Variants in ASTN2 observed in about 807,000 individuals in gnomAD.
The protein encoded by ASTN2 is astrotactin-2.
ASTN2 carries 54 observed loss-of-function variants against 139.8 expected under a neutral mutation model. The observed-to-expected ratio is 0.39, with a 90% confidence interval of 0.31 to 0.48. The LOEUF is 0.48. Ranked by LOEUF, ASTN2 falls within the 20% of genes least tolerant of loss-of-function variation. ASTN2 has a pLI of 0.95. For missense variants in ASTN2, 1,565 were observed against 1,725.1 expected (o/e 0.91, Z 1.64); for synonymous variants, 756 against 719.5 (o/e 1.05, Z -0.81).
At chr9:116,810,778 T>C (rs1831143628) in intron 12 of ASTN2, among the ~76,000 whole-genome samples, 1 of 152,196 alleles carries the variant, frequency 6.6e-6, no homozygotes, top group East Asian at 1.9e-4. Flanking sequence ...ATGTTATCCA[T>C]TACTTGATAA....
At chr9:117,251,701 T>C (rs1160817855) in intron 2 of ASTN2, among the ~76,000 whole-genome samples, 1 of 152,152 alleles carries the variant, frequency 6.6e-6, no homozygotes, top group East Asian at 1.9e-4. Context: ...AATCTGGCTT[T>C]AGAAAGTTCA....
At chr9:117,177,256 T>C (rs1830940018) in intron 3 of ASTN2, among the ~76,000 whole-genome samples, 1 of 152,212 alleles carries the variant, frequency 6.6e-6, no homozygotes. Flanking sequence ...TTATGCTCTG[T>C]AACTAACTTA....
At chr9:117,311,283 C>T (rs1266344133) in intron 1 of ASTN2, among the ~76,000 whole-genome samples, 1 of 150,252 alleles carries the variant, frequency 6.7e-6, no homozygotes, top group Non-Finnish European at 1.5e-5. Context: ...GATGACAGAA[C>T]GTTTATAATT....
At chr9:116,731,067 A>G (rs1182512476) in intron 14 of ASTN2, among the ~76,000 whole-genome samples, 1 of 151,632 alleles carries the variant, frequency 6.6e-6, no homozygotes, top group East Asian at 2.0e-4. Flanking sequence ...CCATAAACTC[A>G]TCCCTGGGTT....
Position 116,699,451 on chromosome 9 carries a change from C to G in ASTN2, c.2806+26320G>C, listed in dbSNP as rs746590049. The G allele has an allele frequency of 2.5e-6, 4 of 1,614,176 alleles. No homozygotes were observed. The highest frequency in any genetic ancestry group is 3.4e-6 in the Non-Finnish European group (4 of 1,180,040). On this transcript the variant is annotated intron_variant, in intron 16 of 22. Transcript: ENST00000313400. The surrounding 1 kb of genome is among the most constrained non-coding windows in gnomAD (Gnocchi z 4.2). ...GGTCGCCAGATTAGCCACTTCTTCT[C>G]GGAGAATGAGGATTTCCGCTGCATT...
intron 19 of ASTN2, among the ~76,000 whole-genome samples, chr9:116,488,664 C>T (rs1431924757): frequency 1.3e-5 from 2 of 152,116 alleles, no homozygotes; most frequent in Non-Finnish European, 2.9e-5. Flanking sequence ...AAACAGGTTA[C>T]ACTATTACAA....
chr9:116,449,014 G>C (rs1048644711), intron 20 of ASTN2, among the ~76,000 whole-genome samples: 3 of 152,192 alleles, frequency 2.0e-5, no homozygotes, highest in African/African-American at 7.2e-5. Flanking sequence ...AGACACTGGA[G>C]CCCTGCTACC....
At chr9:116,830,248 T>C (rs537968781) in intron 11 of ASTN2, among the ~76,000 whole-genome samples, 3 of 152,300 alleles carry the variant, frequency 2.0e-5, no homozygotes, top group Admixed American at 6.5e-5. Context: ...ACATTACTAT[T>C]CAGCAGAGAG....
At chr9:117,043,022 C>A (rs1838624984) in intron 5 of ASTN2, among the ~76,000 whole-genome samples, 1 of 152,130 alleles carries the variant, frequency 6.6e-6, no homozygotes, top group Non-Finnish European at 1.5e-5. Flanking sequence ...AGGCACACAC[C>A]ACCACACCCA....
At chr9:117,112,074 T>C (rs1829264920) in intron 4 of ASTN2, among the ~76,000 whole-genome samples, 1 of 152,022 alleles carries the variant, frequency 6.6e-6, no homozygotes. Context: ...CTTAGTAATA[T>C]GTTTAAGAAA....
At chr9:116,754,421 A>G (rs954580365) in intron 13 of ASTN2, among the ~76,000 whole-genome samples, 1 of 152,186 alleles carries the variant, frequency 6.6e-6, no homozygotes. Flanking sequence ...ATTTACACTC[A>G]CACCAACAGT....
chr9:116,648,337 C>A (rs536611374), intron 17 of ASTN2, among the ~76,000 whole-genome samples: 1 of 152,038 alleles, frequency 6.6e-6, no homozygotes, highest in East Asian at 1.9e-4. Flanking sequence ...CCCTATATTG[C>A]CCAGGCTGGT....
chr9:116,565,351 T>TTCTCTCTC lies in ASTN2; in HGVS notation c.3355+52965_3355+52972dup, dbSNP rs772428232. ...CAGGATAATGTTTTTAAGACACTGT[T>TTCTCTCTC]TCTCTCTCTCTCTCTCTCTCTCTCT... is the stretch of plus-strand genomic sequence containing the variant. On this transcript the variant is annotated intron_variant, in intron 19 of 22. Transcript: ENST00000313400. Among the ~76,000 whole-genome samples, 8 of 36,008 alleles carry TTCTCTCTC rather than the reference T, an allele frequency of 2.2e-4. No individual in the cohort carries two copies. The East Asian group carries it at 2.8e-3, about 12-fold the overall frequency. 23.6% of individuals were successfully genotyped at this position (36,008 alleles called of 152,430 possible). A position where few individuals can be genotyped will look rare whatever the true frequency, so the allele number is the denominator to read the frequency against.
chr9:116,839,872 ATTATTATTATTT>A (rs1374350938), intron 11 of ASTN2, among the ~76,000 whole-genome samples: 14 of 102,928 alleles, frequency 1.4e-4, no homozygotes, highest in African/African-American at 7.0e-4. Context: ...TATTATTATT[ATTATTATTATTT>A]TTTTTTTTTT....
chr9:117,071,899 C>A (rs200695201), intron 5 of ASTN2, among the ~76,000 whole-genome samples: 2 of 152,024 alleles, frequency 1.3e-5, no homozygotes, highest in East Asian at 1.9e-4. Flanking sequence ...CACTGGCCTG[C>A]GCCCACTGTC....
intron 3 of ASTN2, among the ~76,000 whole-genome samples, chr9:117,146,023 G>T (rs1429590198): frequency 6.6e-6 from 1 of 152,158 alleles, no homozygotes; most frequent in African/African-American, 2.4e-5. Context: ...CTGTTTGGCT[G>T]CTCTTGCCTC....
intron 2 of ASTN2, among the ~76,000 whole-genome samples, chr9:117,289,043 TC>T (rs1488634190): frequency 6.6e-6 from 1 of 152,138 alleles, no homozygotes; most frequent in Non-Finnish European, 1.5e-5. Flanking sequence ...AGACCTCAAG[TC>T]TGTGCTCCAA....
At chr9:116,727,396 A>G (rs895141492) in intron 15 of ASTN2, among the ~76,000 whole-genome samples, 1 of 152,126 alleles carries the variant, frequency 6.6e-6, no homozygotes, top group African/African-American at 2.4e-5. Context: ...GTGAGCTCCA[A>G]TTTGCCAACA....
chr9:117,274,953 T>G (rs965503178), intron 2 of ASTN2, among the ~76,000 whole-genome samples: 1 of 152,220 alleles, frequency 6.6e-6, no homozygotes, highest in Admixed American at 6.5e-5. Flanking sequence ...GAAGACAGCA[T>G]GGGCTCAAGG....
Sources: allele counts gnomAD v4.1 joint callset (sites outside exome capture counted in the v4.1 genomes callset), GRCh38; gene constraint gnomAD v4.1.1; non-coding constraint Gnocchi (gnomAD v3.1); transcripts MANE v1.5; gene names NCBI Gene and HGNC (gene_info 2026-07-23, HGNC 2026-07-21).